The following PLXNA4 variants were observed in gnomAD, a reference collection of about 807,000 sequenced individuals.
PLXNA4 encodes the protein plexin-A4.
Under a neutral mutation model 191.8 loss-of-function variants are expected in PLXNA4, and 44 were observed. The observed-to-expected ratio is 0.23, with a 90% confidence interval of 0.18 to 0.29. The LOEUF (loss-of-function observed/expected upper bound fraction) is 0.29, where lower values mean the gene tolerates loss of function less well. PLXNA4 is among the 10% of genes least tolerant of loss of function. The probability of loss-of-function intolerance (pLI) is 1.00; values close to 1 mark genes in which losing one functional copy is unlikely to be tolerated. For synonymous variants in PLXNA4, 1,082 were observed against 1,009.5 expected (o/e 1.07, Z -1.36); for missense variants, 1,800 against 2,488.8 (o/e 0.72, Z 5.89).
intron 20 of PLXNA4, among the ~76,000 whole-genome samples, chr7:132,177,324 GCTGGGTGTCTT>G (rs1796508943): frequency 6.6e-6 from 1 of 152,224 alleles, no homozygotes; most frequent in South Asian, 2.1e-4. Flanking sequence ...GAAGGGCCCA[GCTGGGTGTCTT>G]CTGAGTTTGT....
chr7:132,524,384 T>G (rs561135671), intron 1 of PLXNA4, among the ~76,000 whole-genome samples: 5 of 152,122 alleles, frequency 3.3e-5, no homozygotes, highest in East Asian at 1.9e-4. Context: ...CCAACCAAAG[T>G]TAATAACATT....
chr7:132,423,928 C>T (rs1794943046), intron 3 of PLXNA4, among the ~76,000 whole-genome samples: 1 of 152,216 alleles, frequency 6.6e-6, no homozygotes, highest in South Asian at 2.1e-4. Context: ...GCACCACTCC[C>T]CATCAGGCCC....
At position 132,289,715 on chromosome 7, in the gene PLXNA4, T is replaced by C. The variant is rs552534135; in HGVS notation, c.1503+8376A>G. Among the ~76,000 whole-genome samples the C allele has an allele frequency of 5.3e-5, 8 of 152,208 alleles. No individual in the cohort carries two copies. In the South Asian group the frequency reaches 1.7e-3, roughly 32 times the overall value. On this transcript the variant is annotated intron_variant, in intron 4 of 31. Transcript: ENST00000321063. ...ACCTGGATAATTTTTAAATTTTTTGTAGAGATGGGATTTTGCCATATTGCC... is the reference window on the plus strand; with the variant it reads ...ACCTGGATAATTTTTAAATTTTTTGCAGAGATGGGATTTTGCCATATTGCC...
chr7:132,577,131 C>CGG (rs1472016985), upstream of PLXNA4: 2 of 146,518 alleles, frequency 1.4e-5, no homozygotes, highest in African/African-American at 4.9e-5. Flanking sequence ...GCTGCGGCGG[C>CGG]TGGCGCTGCG....
intron 3 of PLXNA4, among the ~76,000 whole-genome samples, chr7:132,347,846 T>G (rs1323329988): frequency 6.6e-6 from 1 of 152,206 alleles, no homozygotes; most frequent in Non-Finnish European, 1.5e-5. Context: ...TATACAGTGT[T>G]TCCTGCAGCA....
At chr7:132,489,050 C>T (rs1797674180) in intron 3 of PLXNA4, among the ~76,000 whole-genome samples, 1 of 152,214 alleles carries the variant, frequency 6.6e-6, no homozygotes. Flanking sequence ...TGGTCTGACA[C>T]CTCTCATGTG....
Position 132,125,799 on chromosome 7 carries a change from T to A in PLXNA4, c.*4680A>T, listed in dbSNP as rs2116467066. 1 of 151,642 alleles carries A rather than the reference T, an allele frequency of 6.6e-6. No individual in the cohort carries two copies. 9.4% of individuals were successfully genotyped at this position (151,642 alleles called of 1,614,324 possible). A position where few individuals can be genotyped will look rare whatever the true frequency, so the allele number is the denominator to read the frequency against. On this transcript the variant is annotated 3_prime_UTR_variant, in exon 32 of 32. Coordinates refer to ENST00000321063, the MANE Select transcript of PLXNA4 (RefSeq NM_020911.2). ...GCCTGGGGTAGGTCTTCTCTGGGGGTCAGGTGAGCTCCTGGAGGTGACTCA... is the reference window on the plus strand; with the variant it reads ...GCCTGGGGTAGGTCTTCTCTGGGGGACAGGTGAGCTCCTGGAGGTGACTCA...
At chr7:132,276,900 T>A (rs1214554737) in intron 4 of PLXNA4, among the ~76,000 whole-genome samples, 6 of 152,134 alleles carry the variant, frequency 3.9e-5, no homozygotes, top group Non-Finnish European at 8.8e-5. Context: ...GTAATAGCAT[T>A]TTCTGATTTA....
At chr7:132,378,226 G>A (rs1235065531) in intron 3 of PLXNA4, among the ~76,000 whole-genome samples, 1 of 152,170 alleles carries the variant, frequency 6.6e-6, no homozygotes, top group Non-Finnish European at 1.5e-5. Flanking sequence ...GGTGATTGTT[G>A]CTCTGTGGGC....
At position 132,604,591 on chromosome 7, in the gene PLXNA4, G is replaced by A. The variant is rs531984738; in HGVS notation, c.-87+41337C>T. On this transcript the variant is annotated intron_variant, in intron 2 of 4. Coordinates refer to the PLXNA4 transcript ENST00000378539. ...GTAAACATCAACTTATGTAATATAA[G>A]AGAATTGGCCAAGAGATGCCACAGG... is the stretch of plus-strand genomic sequence containing the variant. Among the ~76,000 whole-genome samples, 11 of 152,212 alleles carry A rather than the reference G, an allele frequency of 7.2e-5. No homozygotes were observed. The South Asian group carries it at 1.5e-3, about 20-fold the overall frequency.
chr7:132,246,560 C>T (rs1484042958), intron 4 of PLXNA4, among the ~76,000 whole-genome samples: 2 of 152,136 alleles, frequency 1.3e-5, no homozygotes, highest in African/African-American at 4.8e-5. Context: ...CTCAAGCTCT[C>T]CTTTGGTATT....
chr7:132,210,925 C>T lies in PLXNA4; in HGVS notation c.2298+18G>A, dbSNP rs113504250. The stretch of plus-strand genomic sequence containing the variant: ...GACTGGGGCCTGGTTTGGCAGTGGG[C>T]AGGGTTGGGCGACTCACAGAGGTGT... On this transcript the variant is annotated intron_variant, in intron 10 of 31. Coordinates refer to ENST00000321063, the MANE Select transcript of PLXNA4 (RefSeq NM_020911.2). The T allele has an allele frequency of 1.2e-3, 1,985 of 1,605,498 alleles. 25 individuals are homozygous for T. In the African/African-American group the frequency reaches 0.024, roughly 19 times the overall value.
At chr7:132,558,669 CA>C (rs1800902302) in intron 1 of PLXNA4, among the ~76,000 whole-genome samples, 1 of 152,244 alleles carries the variant, frequency 6.6e-6, no homozygotes, top group Admixed American at 6.5e-5. Context: ...ACACCCCCAA[CA>C]ATCGGCCTGG....
At chr7:132,189,030 AAGAGAGAGAGAGAGAGAG>A (rs3085197) in intron 14 of PLXNA4, among the ~76,000 whole-genome samples, 1 of 61,914 alleles carries the variant, frequency 1.6e-5, no homozygotes, top group South Asian at 6.9e-4. Context: ...GAGAGAGAGA[AAGAGAGAGAGAGAGAGAG>A]AGAGAGAGAG....
intron 4 of PLXNA4, among the ~76,000 whole-genome samples, chr7:132,275,991 C>A (rs1427879749): frequency 6.6e-6 from 1 of 152,212 alleles, no homozygotes; most frequent in Non-Finnish European, 1.5e-5. Context: ...AAAGAGCTTC[C>A]TGGGCCACCT....
At position 132,285,456 on chromosome 7, in the gene PLXNA4, G is replaced by C. The variant is rs557192825; in HGVS notation, c.1503+12635C>G. On this transcript the variant is annotated intron_variant, in intron 4 of 31. Coordinates refer to ENST00000321063, the MANE Select transcript of PLXNA4 (RefSeq NM_020911.2). ...TAAGTATTCAGATAATCTCCCCTTAGCCATTGTGCATCCCTTCAAAACCAT... is the reference window on the plus strand; with the variant it reads ...TAAGTATTCAGATAATCTCCCCTTACCCATTGTGCATCCCTTCAAAACCAT... 2.0e-3 allele frequency among the ~76,000 whole-genome samples: 310 copies of C among 152,188 alleles called. 2 individuals carry two copies. The highest frequency in any genetic ancestry group is 4.9e-3 in the Admixed American group (75 of 15,290).
chr7:132,159,461 C>G lies in PLXNA4; in HGVS notation c.4660+12G>C, dbSNP rs752671228. 1 of 1,613,476 alleles carries G rather than the reference C, an allele frequency of 6.2e-7. No homozygotes were observed. The highest frequency in any genetic ancestry group is 8.5e-7 in the Non-Finnish European group (1 of 1,179,658). On this transcript the variant is annotated intron_variant, in intron 25 of 31. Coordinates refer to ENST00000321063, the MANE Select transcript of PLXNA4 (RefSeq NM_020911.2). Reference sequence around the variant, plus strand: ...GCCACAAGGACAGCCCCTGGGTGGACAGCCTACTCACCCAGATCCATATCT... The same window carrying G: ...GCCACAAGGACAGCCCCTGGGTGGAGAGCCTACTCACCCAGATCCATATCT...
chr7:132,454,097 C>T (rs1184439591), intron 3 of PLXNA4, among the ~76,000 whole-genome samples: 1 of 152,170 alleles, frequency 6.6e-6, no homozygotes, highest in Non-Finnish European at 1.5e-5. Flanking sequence ...CTTTCCTGTG[C>T]AGGAATGGCA....
chr7:132,151,519 GAGGAGGAGAA>G (rs1438998262), intron 25 of PLXNA4, among the ~76,000 whole-genome samples: 4 of 109,116 alleles, frequency 3.7e-5, no homozygotes, highest in Non-Finnish European at 7.5e-5. Flanking sequence ...GAGAAAGGAG[GAGGAGGAGAA>G]AGGAGGAGGA....
Sources: allele counts gnomAD v4.1 joint callset (sites outside exome capture counted in the v4.1 genomes callset), GRCh38; gene constraint gnomAD v4.1.1; transcripts MANE v1.5; gene names NCBI Gene and HGNC (gene_info 2026-07-23, HGNC 2026-07-21).